PCSK5: variants seen among roughly 807,000 people sequenced by gnomAD.
PCSK5 encodes proprotein convertase subtilisin/kexin type 5, also known as prohormone convertase 5.
In PCSK5, 129 loss-of-function variants were observed where a neutral mutation model predicts 233.2. That is an observed-to-expected ratio of 0.55 (90% CI 0.48 to 0.64). The LOEUF (loss-of-function observed/expected upper bound fraction) is 0.64, where lower values mean the gene tolerates loss of function less well. Among genes scored for constraint, PCSK5 ranks in the 30% least tolerant of loss-of-function variants. The pLI is 0.00. For synonymous variants in PCSK5, 825 were observed against 879.2 expected, an observed-to-expected ratio of 0.94 and a Z score of 1.09; for missense variants, 2,076 against 2,430.1, an observed-to-expected ratio of 0.85 and a Z score of 3.06.
intron 29 of PCSK5, among the ~76,000 whole-genome samples, chr9:76,309,966 G>A (rs997701786): frequency 2.6e-5 from 4 of 152,148 alleles, no homozygotes; most frequent in African/African-American, 7.2e-5. Context: ...TTGGGTGGAA[G>A]AGTTGTAACT....
intron 21 of PCSK5, among the ~76,000 whole-genome samples, chr9:76,231,395 T>C (rs958784798): frequency 3.3e-5 from 5 of 152,172 alleles, no homozygotes; most frequent in Non-Finnish European, 7.4e-5. Flanking sequence ...CCAAATCAAA[T>C]GACAGTGCCT....
At chr9:76,177,692 G>C (rs1212645802) in intron 14 of PCSK5, among the ~76,000 whole-genome samples, 1 of 152,098 alleles carries the variant, frequency 6.6e-6, no homozygotes, top group East Asian at 1.9e-4. Flanking sequence ...TTCATATTTT[G>C]GTAATGTTTC....
chr9:75,901,781 T>C (rs777156946), intron 1 of PCSK5, among the ~76,000 whole-genome samples: 4 of 152,158 alleles, frequency 2.6e-5, no homozygotes, highest in Non-Finnish European at 5.9e-5. Context: ...ATGTACCAAA[T>C]AGCAATGAGG....
intron 29 of PCSK5, among the ~76,000 whole-genome samples, chr9:76,310,164 C>T (rs555550011): frequency 6.6e-6 from 1 of 151,728 alleles, no homozygotes; most frequent in Admixed American, 6.6e-5. Flanking sequence ...AGGAGAATCG[C>T]TTGAACCCGG....
intron 31 of PCSK5, 42 bp from the exon 32 acceptor site, chr9:76,323,010 C>T: frequency 9.0e-7 from 1 of 1,113,780 alleles, no homozygotes; most frequent in South Asian, 1.4e-5. Flanking sequence ...ATTCCTTTCT[C>T]CTACCCCCCG....
chr9:76,358,825 A>G lies in PCSK5; in HGVS notation c.5567A>G (p.Asp1856Gly). 1 of 1,612,898 alleles carries G rather than the reference A, an allele frequency of 6.2e-7. No individual in the cohort carries two copies. The highest frequency in any genetic ancestry group is 1.7e-5 in the Admixed American group (1 of 60,020). ...DDDDIVYMGQ[D>G]GTVYRKFKYG... is the part of the protein sequence containing the mutation. The stretch of plus-strand genomic sequence containing the variant: ...GATGACATCGTCTACATGGGCCAGG[A>G]TGGCACAGTCTACCGGAAATTTAAA... The change falls in exon 38 of 38, where the codon GAT (aspartate) becomes GGT (glycine). Residue 1856 changes from aspartate (D) to glycine (G), a missense_variant. Transcript: ENST00000674117.
Position 76,157,537 on chromosome 9 carries a change from G to A in PCSK5, c.1430+375G>A, listed in dbSNP as rs537074787. Among the ~76,000 whole-genome samples, 9 of 151,472 alleles carry A rather than the reference G, an allele frequency of 5.9e-5. 1 individual carries two copies. The highest frequency in any genetic ancestry group is 1.5e-4 in the African/African-American group (6 of 40,828). Reference sequence around the variant, plus strand: ...ATCCAAAGAGTGGTACAAAATGTACGGTAAAAGAGATTGCAGTTTACTCAC... The same window carrying A: ...ATCCAAAGAGTGGTACAAAATGTACAGTAAAAGAGATTGCAGTTTACTCAC... On this transcript the variant is annotated intron_variant, in intron 11 of 37. Transcript: ENST00000674117.
chr9:76,021,333 C>CAG (rs374079156), intron 3 of PCSK5, among the ~76,000 whole-genome samples: 4 of 149,364 alleles, frequency 2.7e-5, no homozygotes, highest in East Asian at 3.9e-4. Context: ...GGGAGAGACA[C>CAG]AGAGAGAGAG....
At chr9:76,311,427 A>G (rs1365046435) in intron 30 of PCSK5, among the ~76,000 whole-genome samples, 1 of 152,146 alleles carries the variant, frequency 6.6e-6, no homozygotes, top group Non-Finnish European at 1.5e-5. Flanking sequence ...CTCCATTACA[A>G]AAGTAAGGCT....
At chr9:76,040,178 C>G (rs896073939) in intron 5 of PCSK5, among the ~76,000 whole-genome samples, 1 of 152,056 alleles carries the variant, frequency 6.6e-6, no homozygotes, top group Non-Finnish European at 1.5e-5. Flanking sequence ...AAAGACTGCT[C>G]GGTAGTATGG....
intron 9 of PCSK5, among the ~76,000 whole-genome samples, chr9:76,125,991 C>T (rs979634962): frequency 1.3e-5 from 2 of 152,202 alleles, no homozygotes; most frequent in African/African-American, 4.8e-5. Flanking sequence ...GTGTACCCCT[C>T]ATTATCAGGG....
intron 24 of PCSK5, among the ~76,000 whole-genome samples, chr9:76,252,276 AAAT>A (rs1187517466): frequency 6.8e-6 from 1 of 148,022 alleles, no homozygotes; most frequent in African/African-American, 2.7e-5. Flanking sequence ...GTCTCAGAAA[AAAT>A]AATAATAATA....
chr9:76,032,109 A>G (rs1229601734), intron 5 of PCSK5, among the ~76,000 whole-genome samples: 1 of 152,164 alleles, frequency 6.6e-6, no homozygotes, highest in African/African-American at 2.4e-5. Context: ...CTTGAATTTG[A>G]TATAAAATAG....
rs1365932495 is a variant in PCSK5, at chr9:75,976,184, C to T, written c.298-9948C>T. 5.9e-5 allele frequency among the ~76,000 whole-genome samples: 9 copies of T among 151,678 alleles called. No individual in the cohort carries two copies. In the South Asian group the frequency reaches 6.3e-4, roughly 11 times the overall value. On this transcript the variant is annotated intron_variant, in intron 2 of 37. Coordinates refer to ENST00000674117, the MANE Select transcript of PCSK5 (RefSeq NM_001372043.1). ...GGAAGGTTTGGGGATATAATCTTTC[C>T]ATTCAACAAGTATTTAATGAGTTCT...
chr9:76,092,854 A>C (rs898002221), intron 7 of PCSK5, among the ~76,000 whole-genome samples: 6 of 152,162 alleles, frequency 3.9e-5, no homozygotes, highest in South Asian at 2.1e-4. Flanking sequence ...TTAAAAAATT[A>C]TCTCTTAACA....
chr9:75,908,897 ATCTATCTATCTATCTATCTATCTATCTC>A (rs1822542269), intron 1 of PCSK5, among the ~76,000 whole-genome samples: 2 of 127,532 alleles, frequency 1.6e-5, no homozygotes, highest in African/African-American at 6.2e-5. Context: ...CTATCTATCT[ATCTATCTATCTATCTATCTATCTATCTC>A]TCTATCTCTC....
At chr9:75,976,589 T>A (rs886327820) in intron 2 of PCSK5, among the ~76,000 whole-genome samples, 1 of 150,974 alleles carries the variant, frequency 6.6e-6, no homozygotes. Context: ...CCTGCAAGGA[T>A]AAAGTAAAGC....
intron 17 of PCSK5, among the ~76,000 whole-genome samples, chr9:76,188,190 T>C (rs558340248): frequency 4.6e-5 from 7 of 152,322 alleles, no homozygotes; most frequent in African/African-American, 1.7e-4. Context: ...GAATTTATTA[T>C]GTAGTAAGTC....
intron 30 of PCSK5, among the ~76,000 whole-genome samples, chr9:76,321,075 A>C (rs1179060229): frequency 2.6e-5 from 4 of 151,564 alleles, no homozygotes; most frequent in African/African-American, 9.7e-5. Flanking sequence ...CGGCCTCCCA[A>C]AGTGCTGGGA....
Sources: gnomAD v4.1 joint callset for allele counts (sites outside exome capture counted in the v4.1 genomes callset) on GRCh38, gnomAD v4.1.1 for gene constraint, MANE v1.5 for transcripts, NCBI Gene and HGNC (gene_info 2026-07-23, HGNC 2026-07-21) for gene names.